The following PRKG1 variants were observed in gnomAD, a reference collection of about 807,000 sequenced individuals.
PRKG1 encodes the protein protein kinase cGMP-dependent 1, also known as cGMP-dependent protein kinase 1.
A neutral mutation model predicts 88.1 loss-of-function variants in PRKG1; 35 were observed. That is an observed-to-expected ratio of 0.40 (90% CI 0.30 to 0.53). PRKG1 has a LOEUF of 0.53. Among genes scored for constraint, PRKG1 ranks in the 20% least tolerant of loss-of-function variants. The pLI, the probability that PRKG1 is intolerant of heterozygous loss-of-function variation, is 0.59. For synonymous variants in PRKG1, 303 were observed against 292.5 expected, an observed-to-expected ratio of 1.04 and a Z score of -0.37; for missense variants, 540 against 839.8, an observed-to-expected ratio of 0.64 and a Z score of 4.41.
rs555973666 is a variant in PRKG1, at chr10:51,312,355, A to G, written c.479-155368A>G. On this transcript the variant is annotated intron_variant, in intron 2 of 17. Coordinates refer to ENST00000373980, the MANE Select transcript of PRKG1 (RefSeq NM_006258.4). ...AAACTCTCACTCAACATTATTTTAC[A>G]ATAGTGTAGGAGTTAATAGTTGTGG... Among the ~76,000 whole-genome samples, 12 of 152,300 alleles carry G rather than the reference A, an allele frequency of 7.9e-5. No homozygotes were observed. In the South Asian group the frequency reaches 2.1e-3, roughly 26 times the overall value.
chr10:52,110,115 G>A (rs1463565536), intron 7 of PRKG1, among the ~76,000 whole-genome samples: 3 of 151,890 alleles, frequency 2.0e-5, no homozygotes, highest in Non-Finnish European at 2.9e-5. Context: ...TTGGGAGGCC[G>A]AGGCGGGCGG....
intron 2 of PRKG1, among the ~76,000 whole-genome samples, chr10:51,227,563 C>T (rs1454114431): frequency 6.6e-6 from 1 of 152,114 alleles, no homozygotes; most frequent in African/African-American, 2.4e-5. Flanking sequence ...ATAATATGAC[C>T]TTCTGAGGGA....
intron 4 of PRKG1, among the ~76,000 whole-genome samples, chr10:51,875,028 TATC>T: frequency 6.6e-6 from 1 of 152,248 alleles, no homozygotes; most frequent in African/African-American, 2.4e-5. Context: ...AAGTGGTAAT[TATC>T]ATAATAATCA....
At chr10:51,994,863 A>C (rs1844398875) in intron 5 of PRKG1, among the ~76,000 whole-genome samples, 1 of 152,184 alleles carries the variant, frequency 6.6e-6, no homozygotes, top group Non-Finnish European at 1.5e-5. Flanking sequence ...CTTGACAAAG[A>C]AAGATAATAA....
rs1025022188 is a variant in PRKG1, at chr10:52,296,840, G to A, written c.*2940G>A. 3 of 151,998 alleles carry A rather than the reference G, an allele frequency of 2.0e-5. No individual in the cohort carries two copies. Among genetic ancestry groups the A allele is most frequent in the Non-Finnish European group, 4.4e-5 (3 of 67,928 alleles). 9.4% of individuals were successfully genotyped at this position (151,998 alleles called of 1,614,324 possible). ...TTCTTTCTTATTAAGACATGAATCA[G>A]ATCCATGTGGCATTCAAAACAAATT... On this transcript the variant is annotated 3_prime_UTR_variant, in exon 18 of 18. Coordinates refer to ENST00000373980, the MANE Select transcript of PRKG1 (RefSeq NM_006258.4).
rs78416634 is a variant in PRKG1, at chr10:51,155,337, G to A, written c.478+2007G>A. 7.5e-3 allele frequency among the ~76,000 whole-genome samples: 1,134 copies of A among 152,120 alleles called. 6 individuals are homozygous for A. The highest frequency in any genetic ancestry group is 0.01 in the Non-Finnish European group (709 of 67,938). On this transcript the variant is annotated intron_variant, in intron 2 of 17. Coordinates refer to ENST00000373980, the MANE Select transcript of PRKG1 (RefSeq NM_006258.4). The stretch of plus-strand genomic sequence containing the variant: ...TAATATTTGTTAATGTTTAGAAAAT[G>A]CCCAACACATAGAACATGCTTTTTC...
chr10:51,368,926 C>T (rs1254982692), intron 2 of PRKG1, among the ~76,000 whole-genome samples: 3 of 151,860 alleles, frequency 2.0e-5, no homozygotes, highest in Admixed American at 6.6e-5. Flanking sequence ...TAAGAAGAAA[C>T]GGAGAAAAGG....
At chr10:51,392,439 G>A (rs952997640) in intron 2 of PRKG1, among the ~76,000 whole-genome samples, 26 of 152,154 alleles carry the variant, frequency 1.7e-4, no homozygotes, top group East Asian at 7.7e-4. Context: ...AGAGAGCACC[G>A]GGTTGGGGGT....
intron 2 of PRKG1, among the ~76,000 whole-genome samples, chr10:51,450,559 G>A (rs949283582): frequency 4.6e-5 from 7 of 151,952 alleles, no homozygotes; most frequent in Admixed American, 1.3e-4. Flanking sequence ...TAAAGAATTC[G>A]ACTTTGTCTT....
At chr10:51,354,514 A>G (rs1842323255) in intron 2 of PRKG1, among the ~76,000 whole-genome samples, 1 of 152,154 alleles carries the variant, frequency 6.6e-6, no homozygotes, top group African/African-American at 2.4e-5. Flanking sequence ...TGAGATTTAA[A>G]ATATCATTTT....
chr10:51,374,882 T>G, intron 2 of PRKG1, among the ~76,000 whole-genome samples: 1 of 152,204 alleles, frequency 6.6e-6, no homozygotes, highest in Non-Finnish European at 1.5e-5. Flanking sequence ...ACTGAGGACC[T>G]CAGCTCTTTC....
At chr10:51,213,731 GT>G (rs1838296077) in intron 2 of PRKG1, among the ~76,000 whole-genome samples, 1 of 152,026 alleles carries the variant, frequency 6.6e-6, no homozygotes, top group Non-Finnish European at 1.5e-5. Flanking sequence ...TGAATCTTTG[GT>G]TCTTCTGAAT....
chr10:51,978,362 A>C (rs1401383331), intron 5 of PRKG1, among the ~76,000 whole-genome samples: 1 of 150,206 alleles, frequency 6.7e-6, no homozygotes, highest in Non-Finnish European at 1.5e-5. Context: ...GCCCTGTAGT[A>C]TAGTTTGAAG....
chr10:51,518,865 C>G lies in PRKG1; in HGVS notation c.592+51029C>G, dbSNP rs564676836. ...ACTGGTTGCCAAACAATATAATCTA[C>G]TCTTTGAAATTTCTCATGGTTCTGC... is the stretch of plus-strand genomic sequence containing the variant. On this transcript the variant is annotated intron_variant, in intron 3 of 17. Transcript: ENST00000373980. Among the ~76,000 whole-genome samples the G allele has an allele frequency of 1.5e-4, 23 of 152,240 alleles. No individual in the cohort carries two copies. In the South Asian group the frequency reaches 4.8e-3, roughly 32 times the overall value.
intron 9 of PRKG1, among the ~76,000 whole-genome samples, chr10:52,201,501 G>A (rs1839667093): frequency 6.6e-6 from 1 of 152,030 alleles, no homozygotes. Context: ...TTCTAAGTTT[G>A]TTCTTTTTGC....
At chr10:51,976,468 A>T (rs1843835829) in intron 5 of PRKG1, among the ~76,000 whole-genome samples, 2 of 151,910 alleles carry the variant, frequency 1.3e-5, no homozygotes, top group African/African-American at 4.8e-5. Flanking sequence ...ATAAACCTTA[A>T]AAACAATGTG....
chr10:51,014,746 T>C (rs1440004412), intron 1 of PRKG1, among the ~76,000 whole-genome samples: 1 of 152,222 alleles, frequency 6.6e-6, no homozygotes, highest in Non-Finnish European at 1.5e-5. Flanking sequence ...TTTACATATT[T>C]ACATATTTAT....
At chr10:51,702,752 G>A (rs150520773) in intron 3 of PRKG1, among the ~76,000 whole-genome samples, 3 of 151,804 alleles carry the variant, frequency 2.0e-5, no homozygotes, top group Non-Finnish European at 4.4e-5. Flanking sequence ...GCTGGAGTGC[G>A]ATGGCGTGAT....
chr10:52,087,917 G>A (rs531743595), intron 7 of PRKG1, among the ~76,000 whole-genome samples: 1 of 152,176 alleles, frequency 6.6e-6, no homozygotes, highest in East Asian at 1.9e-4. Flanking sequence ...TAAGGAAACT[G>A]CATGATATGC....
Sources: gnomAD v4.1 joint callset for allele counts (sites outside exome capture counted in the v4.1 genomes callset) on GRCh38, gnomAD v4.1.1 for gene constraint, MANE v1.5 for transcripts, NCBI Gene and HGNC (gene_info 2026-07-23, HGNC 2026-07-21) for gene names.